Variants in FKBP5 observed in about 807,000 individuals in gnomAD.
The protein encoded by FKBP5 is peptidyl-prolyl cis-trans isomerase FKBP5.
FKBP5 carries 23 observed loss-of-function variants against 50.5 expected under a neutral mutation model. The observed-to-expected ratio is 0.46, with a 90% CI of 0.33 to 0.65. FKBP5 has a LOEUF of 0.65. Ranked by LOEUF, FKBP5 falls within the 30% of genes least tolerant of loss-of-function variation. The pLI is 0.02. For synonymous variants in FKBP5, 176 were observed against 190.6 expected (o/e 0.92, Z 0.63); for missense variants, 411 against 553.1 (o/e 0.74, Z 2.58).
At chr6:35,679,263 A>G (rs764259022) in intron 1 of FKBP5, among the ~76,000 whole-genome samples, 6 of 152,250 alleles carry the variant, frequency 3.9e-5, no homozygotes, top group Admixed American at 1.3e-4. Context: ...GTCTACTTAC[A>G]GGTATACTTT....
intron 7 of FKBP5, among the ~76,000 whole-genome samples, chr6:35,590,853 T>C (rs1230853170): frequency 7.8e-6 from 1 of 128,238 alleles, no homozygotes; most frequent in Non-Finnish European, 1.7e-5. Flanking sequence ...TAGGAACAAA[T>C]AAGGGAACAA....
chr6:35,585,799 A>G, intron 8 of FKBP5: 4 of 985,386 alleles, frequency 4.1e-6, no homozygotes, highest in Non-Finnish European at 4.8e-6. Context: ...ACACTTCCAC[A>G]AAACTGATTT....
At chr6:35,629,475 G>A (rs1392469101) in intron 3 of FKBP5, among the ~76,000 whole-genome samples, 3 of 152,062 alleles carry the variant, frequency 2.0e-5, no homozygotes, top group East Asian at 3.9e-4. Context: ...ACTAATCACA[G>A]GATAATCCCT....
chr6:35,640,757 C>A (rs1764462273), intron 2 of FKBP5, among the ~76,000 whole-genome samples: 1 of 151,714 alleles, frequency 6.6e-6, no homozygotes, highest in African/African-American at 2.4e-5. Context: ...ATTTTTTATT[C>A]TTTTACTTTT....
At chr6:35,657,928 A>G (rs6929523) in intron 1 of FKBP5, among the ~76,000 whole-genome samples, 116,466 of 151,992 alleles carry the variant, frequency 0.77, 45,036 homozygotes, top group African/African-American at 0.88. Flanking sequence ...CTGGTTTCTC[A>G]ATTTTGTAAT....
At position 35,697,285 on chromosome 6, in the gene FKBP5, C is replaced by T. The variant is rs144324913; in HGVS notation, c.-20+23043G>A. Among the ~76,000 whole-genome samples the T allele has an allele frequency of 5.7e-3, 869 of 152,290 alleles. 16 individuals are homozygous for T. Among genetic ancestry groups the T allele is most frequent in the East Asian group, 0.056 (289 of 5,178 alleles). On this transcript the variant is annotated intron_variant, in intron 2 of 11. Coordinates refer to the FKBP5 transcript ENST00000536438. ...AAGTAAGGCCGGGAGCAGTGGCTTA[C>T]GCCTGTAATCCCAGCACTTTGGGAG...
At chr6:35,721,253 G>A (rs1458519874) in intron 1 of FKBP5, among the ~76,000 whole-genome samples, 2 of 151,924 alleles carry the variant, frequency 1.3e-5, no homozygotes, top group African/African-American at 4.8e-5. Flanking sequence ...TTGGGAGGCC[G>A]AGGCAGGAAA....
chr6:35,687,476 TTA>T (rs913948628), intron 1 of FKBP5, among the ~76,000 whole-genome samples: 1 of 152,164 alleles, frequency 6.6e-6, no homozygotes, highest in African/African-American at 2.4e-5. Context: ...GAGAATTACT[TTA>T]TAATTCTCTA....
chr6:35,693,406 G>A (rs886752735), upstream of FKBP5, among the ~76,000 whole-genome samples: 12 of 151,770 alleles, frequency 7.9e-5, no homozygotes, highest in African/African-American at 2.2e-4. Flanking sequence ...CTCCTGATCC[G>A]CCCGCCTCGG....
chr6:35,677,160 G>A (rs1027725697), intron 1 of FKBP5, among the ~76,000 whole-genome samples: 2 of 152,100 alleles, frequency 1.3e-5, no homozygotes, highest in Non-Finnish European at 2.9e-5. Context: ...TGCAAGCTCC[G>A]CCTCCCGGGT....
In FKBP5 at chr6:35,573,771, A is replaced by T. The variant is rs1484015874; in HGVS notation, c.*2064T>A. ...AAATTGTTTAAGATTATTGAATTTG[A>T]TACAAGAATACGTGAAGTGTCTTCT... On this transcript the variant is annotated 3_prime_UTR_variant, in exon 11 of 11. Transcript: ENST00000357266. The T allele has an allele frequency of 6.6e-6, 1 of 152,188 alleles. No homozygotes were observed. Among genetic ancestry groups the T allele is most frequent in the African/African-American group, 2.4e-5 (1 of 41,446 alleles). 9.4% of individuals were successfully genotyped at this position (152,188 alleles called of 1,614,324 possible). A position where few individuals can be genotyped will look rare whatever the true frequency, so the allele number is the denominator to read the frequency against.
chr6:35,648,477 T>C (rs1410389076), intron 1 of FKBP5, among the ~76,000 whole-genome samples: 1 of 152,010 alleles, frequency 6.6e-6, no homozygotes, highest in Non-Finnish European at 1.5e-5. Flanking sequence ...GGTCTCACTA[T>C]GTTGCCCAGG....
At chr6:35,663,610 C>T (rs1264316456) in intron 1 of FKBP5, among the ~76,000 whole-genome samples, 1 of 152,180 alleles carries the variant, frequency 6.6e-6, no homozygotes, top group Admixed American at 6.5e-5. Context: ...GCTACAGTGG[C>T]CTTCTTGCTG....
At chr6:35,596,727 G>A (rs1252274620) in intron 6 of FKBP5, among the ~76,000 whole-genome samples, 1 of 152,136 alleles carries the variant, frequency 6.6e-6, no homozygotes, top group Admixed American at 6.6e-5. Flanking sequence ...AGTGCTAATG[G>A]ATATCCTTAT....
chr6:35,577,204 T>C lies in FKBP5; in HGVS notation c.1056A>G (p.Lys352=). 1 of 1,612,666 alleles carries C rather than the reference T, an allele frequency of 6.2e-7. No homozygotes were observed. Among genetic ancestry groups the C allele is most frequent in the Non-Finnish European group, 8.5e-7 (1 of 1,179,080 alleles). Reference sequence around the variant, plus strand: ...GGGCTTCACCCCTCCTATACAAGCCTTTCTCATTGGCACTGTCCAGTCCAA... The same window carrying C: ...GGGCTTCACCCCTCCTATACAAGCCCTTCTCATTGGCACTGTCCAGTCCAA... The part of the protein sequence containing the change: ...KALGLDSANE[K]GLYRRGEAQL... Residue 352 remains lysine (K), a synonymous_variant, in exon 10 of 11, where the codon AAA becomes AAG. Coordinates refer to ENST00000357266, the MANE Select transcript of FKBP5 (RefSeq NM_004117.4).
intron 1 of FKBP5, among the ~76,000 whole-genome samples, chr6:35,722,304 G>T (rs1161627326): frequency 6.6e-6 from 1 of 152,148 alleles, no homozygotes; most frequent in Non-Finnish European, 1.5e-5. Flanking sequence ...ATCAGCGCTT[G>T]CTAAACATTT....
intron 3 of FKBP5, among the ~76,000 whole-genome samples, chr6:35,623,241 C>T (rs1763901570): frequency 6.6e-6 from 1 of 152,034 alleles, no homozygotes; most frequent in Non-Finnish European, 1.5e-5. Context: ...GACTCCGTCT[C>T]AAAAATAAAT....
intron 1 of FKBP5, among the ~76,000 whole-genome samples, chr6:35,688,395 G>A (rs1186756047): frequency 6.6e-6 from 1 of 152,064 alleles, no homozygotes; most frequent in Non-Finnish European, 1.5e-5. Flanking sequence ...TCCGGGGAGA[G>A]CCGGGGGCCA....
intron 1 of FKBP5, among the ~76,000 whole-genome samples, chr6:35,647,467 C>G (rs1433245296): frequency 6.6e-5 from 10 of 152,298 alleles, no homozygotes; most frequent in Admixed American, 5.2e-4. Flanking sequence ...CCTAACTGAA[C>G]CAGAACTTTG....
Sources: gnomAD v4.1 joint callset for allele counts (sites outside exome capture counted in the v4.1 genomes callset) on GRCh38, gnomAD v4.1.1 for gene constraint, MANE v1.5 for transcripts, NCBI Gene and HGNC (gene_info 2026-07-23, HGNC 2026-07-21) for gene names.